The following PIN1 variants were observed in gnomAD, a reference collection of about 807,000 sequenced individuals.
PIN1 encodes peptidyl-prolyl cis-trans isomerase NIMA-interacting 1.
Under a neutral mutation model 19.9 loss-of-function variants are expected in PIN1, and 8 were observed. The ratio of observed to expected loss-of-function variants is 0.40; its 90% CI spans 0.24 to 0.72. PIN1 has a LOEUF of 0.72. PIN1 is among the 30% of genes least tolerant of loss of function. PIN1 has a pLI of 0.37. For missense variants in PIN1, 185 were observed against 226.5 expected, an observed-to-expected ratio of 0.82 and a Z score of 1.18; for synonymous variants, 86 against 90.8, an observed-to-expected ratio of 0.95 and a Z score of 0.30.
chr19:9,840,081 C>T (rs906542830), intron 2 of PIN1, among the ~76,000 whole-genome samples: 4 of 152,166 alleles, frequency 2.6e-5, no homozygotes, highest in African/African-American at 7.2e-5. Flanking sequence ...TCTTTGACAG[C>T]GGGAATATAA....
At chr19:9,848,548 G>A (rs1486247203) in intron 3 of PIN1, 4 of 265,990 alleles carry the variant, frequency 1.5e-5, no homozygotes, top group Non-Finnish European at 2.2e-5. Context: ...GAGAGGAGGT[G>A]GCCCTGAGTT....
chr19:9,841,955 C>T (rs1050348476), intron 2 of PIN1, among the ~76,000 whole-genome samples: 1 of 152,008 alleles, frequency 6.6e-6, no homozygotes, highest in Non-Finnish European at 1.5e-5. Context: ...AGGCTGAGGT[C>T]GGTGGGGATA....
At chr19:9,847,081 T>C (rs2046226358) in intron 2 of PIN1, among the ~76,000 whole-genome samples, 1 of 152,070 alleles carries the variant, frequency 6.6e-6, no homozygotes, top group Non-Finnish European at 1.5e-5. Context: ...GGGGGTGGCC[T>C]GGAGTCAGGA....
chr19:9,847,922 A>G (rs2046236894), intron 2 of PIN1, 108 bp from the exon 3 acceptor site: 5 of 752,718 alleles, frequency 6.6e-6, no homozygotes, highest in South Asian at 5.6e-5. Flanking sequence ...AGGCTTTCCA[A>G]CTGAAGTGCT....
chr19:9,844,089 C>T (rs1386920196), intron 2 of PIN1, among the ~76,000 whole-genome samples: 1 of 152,162 alleles, frequency 6.6e-6, no homozygotes, highest in Non-Finnish European at 1.5e-5. Flanking sequence ...ATCAGGGCCC[C>T]ACCCTTATGA....
intron 2 of PIN1, among the ~76,000 whole-genome samples, chr19:9,845,644 C>T (rs1365005648): frequency 6.6e-6 from 1 of 152,192 alleles, no homozygotes; most frequent in East Asian, 1.9e-4. Flanking sequence ...ATTGCAGGCT[C>T]CCATCATAGC....
chr19:9,841,476 G>C (rs986788329), intron 2 of PIN1, among the ~76,000 whole-genome samples: 1 of 152,230 alleles, frequency 6.6e-6, no homozygotes, highest in African/African-American at 2.4e-5. Flanking sequence ...TCTGGGGAAG[G>C]CTTTGCAGGG....
At position 9,835,371 on chromosome 19, in the gene PIN1, C is replaced by A; in HGVS notation, c.27C>A (p.Pro9=). MADEEKLP[P]GWEKRMSRSS... is the part of the protein sequence containing the mutation. ...TGGCGGACGAGGAGAAGCTGCCGCC[C>A]GGCTGGGAGAAGCGCATGAGCCGCA... The change falls in exon 1 of 4, where the codon CCC becomes CCA. Residue 9 remains proline (P), a synonymous_variant. Coordinates refer to ENST00000247970, the MANE Select transcript of PIN1 (RefSeq NM_006221.4). 6.6e-7 allele frequency: 1 copy of A among 1,517,722 alleles called. No homozygotes were observed. The highest frequency in any genetic ancestry group is 2.6e-5 in the East Asian group (1 of 38,620). The allele number at this position is 1,517,722 out of a possible 1,614,324, so 94.0% of individuals were successfully genotyped here. A position where few individuals can be genotyped will look rare whatever the true frequency, so the allele number is the denominator to read the frequency against.
chr19:9,849,462 C>T lies in PIN1; in HGVS notation c.*263C>T, dbSNP rs2046254093. 1 of 722,048 alleles carries T rather than the reference C, an allele frequency of 1.4e-6. No homozygotes were observed. Among genetic ancestry groups the T allele is most frequent in the Non-Finnish European group, 2.6e-6 (1 of 390,374 alleles). 44.7% of individuals were successfully genotyped at this position (722,048 alleles called of 1,614,324 possible). A position where few individuals can be genotyped will look rare whatever the true frequency, so the allele number is the denominator to read the frequency against. ...AGCAGGGGTGGGAGGCTCCCAGACC[C>T]AGGGCAGTGTGGTGGGAGGGGTGTT... On this transcript the variant is annotated 3_prime_UTR_variant, in exon 4 of 4. Coordinates refer to ENST00000247970, the MANE Select transcript of PIN1 (RefSeq NM_006221.4).
Position 9,838,729 on chromosome 19 carries a change from C to T in PIN1, c.271+81C>T. On this transcript the variant is annotated intron_variant, in intron 2 of 3. Coordinates refer to ENST00000247970, the MANE Select transcript of PIN1 (RefSeq NM_006221.4). This position sits in a 1 kb window ranked among gnomAD's most constrained non-coding sequence, Gnocchi z 5.8. ...GTAGAAGTCACATCAGACCCTTCAC[C>T]CCAGCTTGCTCAGCTGCCAGGCGTG... The T allele has an allele frequency of 8.4e-7, 1 of 1,186,456 alleles. No individual in the cohort carries two copies. The allele number at this position is 1,186,456 out of a possible 1,614,324, so 73.5% of individuals were successfully genotyped here. A position where few individuals can be genotyped will look rare whatever the true frequency, so the allele number is the denominator to read the frequency against.
chr19:9,835,557 TGTG>T, intron 1 of PIN1, 155 bp downstream of exon 1: 1 of 573,704 alleles, frequency 1.7e-6, no homozygotes, highest in East Asian at 3.7e-5. Context: ...CCCGCCCTGT[TGTG>T]GGGACTGCGA....
chr19:9,843,443 A>T (rs960492802), intron 2 of PIN1, among the ~76,000 whole-genome samples: 7 of 152,288 alleles, frequency 4.6e-5, no homozygotes, highest in African/African-American at 1.2e-4. Flanking sequence ...AGGAGACAGC[A>T]CGTCTTGAAA....
At chr19:9,843,329 A>G (rs1599452288) in intron 2 of PIN1, among the ~76,000 whole-genome samples, 1 of 152,184 alleles carries the variant, frequency 6.6e-6, no homozygotes, top group African/African-American at 2.4e-5. Context: ...GTCTTCTCAG[A>G]TCTGACCCTG....
In PIN1 at chr19:9,846,977, C is replaced by T. The variant is rs1261925456; in HGVS notation, c.272-1053C>T. Among the ~76,000 whole-genome samples the T allele has an allele frequency of 2.0e-5, 3 of 152,116 alleles. No homozygotes were observed. The highest frequency in any genetic ancestry group is 7.2e-5 in the African/African-American group (3 of 41,416). Reference sequence around the variant, plus strand: ...GCCCTGGCTTGCTGGGGCTGTCGCACCACTGGCCTAGGGAGGACACTGGAA... The same window carrying T: ...GCCCTGGCTTGCTGGGGCTGTCGCATCACTGGCCTAGGGAGGACACTGGAA... On this transcript the variant is annotated intron_variant, in intron 2 of 3. Coordinates refer to ENST00000247970, the MANE Select transcript of PIN1 (RefSeq NM_006221.4). The surrounding 1 kb of genome is among the most constrained non-coding windows in gnomAD (Gnocchi z 5.9).
In PIN1 at chr19:9,838,726, C is replaced by T. The variant is rs2233683; in HGVS notation, c.271+78C>T. The T allele has an allele frequency of 6.6e-3, 7,941 of 1,209,468 alleles. 36 individuals are homozygous for T. Among genetic ancestry groups the T allele is most frequent in the Middle Eastern group, 8.5e-3 (34 of 3,980 alleles). The allele number at this position is 1,209,468 out of a possible 1,614,324, so 74.9% of individuals were successfully genotyped here. Reference sequence around the variant, plus strand: ...TTTGTAGAAGTCACATCAGACCCTTCACCCCAGCTTGCTCAGCTGCCAGGC... The same window carrying T: ...TTTGTAGAAGTCACATCAGACCCTTTACCCCAGCTTGCTCAGCTGCCAGGC... On this transcript the variant is annotated intron_variant, in intron 2 of 3. Transcript: ENST00000247970. The surrounding 1 kb of genome is among the most constrained non-coding windows in gnomAD (Gnocchi z 5.8).
chr19:9,845,380 T>G (rs2046211242), intron 2 of PIN1, among the ~76,000 whole-genome samples: 1 of 146,562 alleles, frequency 6.8e-6, no homozygotes, highest in South Asian at 2.2e-4. Flanking sequence ...AGCGTTTTTT[T>G]GTTTGTTTGT....
At chr19:9,840,529 T>C (rs1224743096) in intron 2 of PIN1, among the ~76,000 whole-genome samples, 1 of 152,260 alleles carries the variant, frequency 6.6e-6, no homozygotes, top group South Asian at 2.1e-4. Flanking sequence ...CAGCCTGGGT[T>C]GCTATGCAGC....
chr19:9,835,427 C>A, intron 1 of PIN1, 25 bp downstream of exon 1: 2 of 1,184,434 alleles, frequency 1.7e-6, no homozygotes, highest in Non-Finnish European at 2.3e-6. Flanking sequence ...GGGGCTGGGG[C>A]GGGACTGCGC....
At chr19:9,837,473 TG>T (rs1319292525) in intron 1 of PIN1, 1 of 153,204 alleles carries the variant, frequency 6.5e-6, no homozygotes, top group Non-Finnish European at 1.4e-5. Flanking sequence ...TTTTTGTTTT[TG>T]TTTTGAGACA....
Sources: gnomAD v4.1 joint callset for allele counts (sites outside exome capture counted in the v4.1 genomes callset) on GRCh38, gnomAD v4.1.1 for gene constraint, Gnocchi (gnomAD v3.1) non-coding constraint, MANE v1.5 for transcripts, NCBI Gene and HGNC (gene_info 2026-07-23, HGNC 2026-07-21) for gene names.